TEX9: variants seen among roughly 807,000 people sequenced by gnomAD.
TEX9 encodes the protein testis expressed 9, also known as testis-expressed protein 9.
In TEX9, 74 loss-of-function variants were observed where a neutral mutation model predicts 59.6. That is an observed-to-expected ratio of 1.24 (90% CI 1.03 to 1.51). The LOEUF (loss-of-function observed/expected upper bound fraction) is 1.51. TEX9 is among the 40% of genes most tolerant of loss of function. TEX9 has a pLI of 0.00. For missense variants in TEX9, 522 were observed against 447.8 expected (o/e 1.17, Z -1.49); for synonymous variants, 186 against 152.2 (o/e 1.22, Z -1.64).
chr15:56,319,421 A>G (rs770681444), intron 1 of TEX9, among the ~76,000 whole-genome samples: 5 of 151,844 alleles, frequency 3.3e-5, no homozygotes, highest in African/African-American at 4.8e-5. Flanking sequence ...GGGCATTTCA[A>G]CCCTTCTGAT....
rs71456382 is a variant in TEX9, at chr15:56,339,383, CAAAAAAAAAAAAAAAAAAA to C, written c.-106-34045_-106-34027del. ...GGGTGTCAGAGCAAGACTCCTTCTC[CAAAAAAAAAAAAAAAAAAA>C]AAAAAAAAAAAACAGGAGAATAACT... On this transcript the variant is annotated intron_variant, in intron 1 of 5. Coordinates refer to the TEX9 transcript ENST00000560827. 2.9e-4 allele frequency among the ~76,000 whole-genome samples: 9 copies of C among 30,770 alleles called. 1 individual carries two copies. Among genetic ancestry groups the C allele is most frequent in the African/African-American group, 7.2e-4 (6 of 8,328 alleles). The allele number at this position is 30,770 out of a possible 152,430, so 20.2% of individuals were successfully genotyped here.
intron 1 of TEX9, among the ~76,000 whole-genome samples, chr15:56,358,865 C>T (rs1300090681): frequency 6.6e-6 from 1 of 152,090 alleles, no homozygotes; most frequent in African/African-American, 2.4e-5. Flanking sequence ...AAGTGTCTGA[C>T]ATTTCCTCTT....
chr15:56,434,435 C>T, intron 12 of TEX9: 2 of 1,557,532 alleles, frequency 1.3e-6, no homozygotes, highest in Non-Finnish European at 1.7e-6. Context: ...TAACTATTTC[C>T]TTACACCAGA....
chr15:56,426,569 T>G (rs1402230955), intron 10 of TEX9, among the ~76,000 whole-genome samples: 3 of 115,494 alleles, frequency 2.6e-5, no homozygotes, highest in East Asian at 2.4e-4. Flanking sequence ...GGTGTTTTTT[T>G]TTTTTTTTTT....
At chr15:56,373,067 G>T (rs1014742473) in intron 2 of TEX9, among the ~76,000 whole-genome samples, 1 of 152,132 alleles carries the variant, frequency 6.6e-6, no homozygotes, top group Admixed American at 6.5e-5. Flanking sequence ...TTAGAGCAGG[G>T]CCTGTCTCTG....
intron 3 of TEX9, among the ~76,000 whole-genome samples, chr15:56,376,232 TA>T (rs1161142648): frequency 4.6e-5 from 7 of 151,762 alleles, no homozygotes; most frequent in Non-Finnish European, 7.4e-5. Context: ...AATAATAAAA[TA>T]AAAAAAAGAT....
intron 1 of TEX9, among the ~76,000 whole-genome samples, chr15:56,324,729 G>T (rs2045984509): frequency 6.6e-6 from 1 of 152,100 alleles, no homozygotes; most frequent in Non-Finnish European, 1.5e-5. Flanking sequence ...TGGATTTTGT[G>T]GCCTGGCTTC....
intron 1 of TEX9, among the ~76,000 whole-genome samples, chr15:56,339,403 A>ACAAAC (rs1365653731): frequency 1.5e-4 from 22 of 145,102 alleles, no homozygotes; most frequent in Non-Finnish European, 2.8e-4. Flanking sequence ...AAAAAAAAAA[A>ACAAAC]AAAAAAAAAA....
intron 6 of TEX9, 26 bp from the exon 7 acceptor site, chr15:56,391,217 A>G (rs765492407): frequency 1.4e-6 from 2 of 1,473,534 alleles, no homozygotes; most frequent in Non-Finnish European, 1.8e-6. Context: ...ATATACATAC[A>G]TATGTATTTA....
chr15:56,456,017 G>A, the TEX9 span, among the ~76,000 whole-genome samples: 1 of 152,094 alleles, frequency 6.6e-6, no homozygotes, highest in Admixed American at 6.6e-5. Context: ...TAGAGGTACT[G>A]AAACACAGGC....
chr15:56,298,643 T>G (rs1343567100), intron 1 of TEX9, among the ~76,000 whole-genome samples: 1 of 152,208 alleles, frequency 6.6e-6, no homozygotes, highest in Non-Finnish European at 1.5e-5. Context: ...TTGCTGAACT[T>G]GAAGAAGGAG....
chr15:56,447,746 C>T (rs2050917754), downstream of TEX9: 2 of 152,084 alleles, frequency 1.3e-5, no homozygotes, highest in East Asian at 1.9e-4. Context: ...AAACCATCAC[C>T]ACAATCAAGA....
chr15:56,379,760 T>G (rs2142111662), intron 3 of TEX9, among the ~76,000 whole-genome samples: 1 of 152,342 alleles, frequency 6.6e-6, no homozygotes, highest in East Asian at 1.9e-4. Context: ...TATATCCTGT[T>G]GCTGGATTGA....
chr15:56,328,198 C>T (rs972753934), intron 1 of TEX9, among the ~76,000 whole-genome samples: 21 of 151,730 alleles, frequency 1.4e-4, no homozygotes, highest in Non-Finnish European at 8.8e-5. Flanking sequence ...CCACTCCAGA[C>T]CCTAGCTTCT....
At chr15:56,403,032 T>G (rs894904477) in intron 9 of TEX9, among the ~76,000 whole-genome samples, 6 of 152,232 alleles carry the variant, frequency 3.9e-5, no homozygotes, top group Non-Finnish European at 7.3e-5. Flanking sequence ...AATTTCATAC[T>G]AAATGGGCAA....
intron 1 of TEX9, among the ~76,000 whole-genome samples, chr15:56,347,977 A>G (rs2718911): frequency 0.053 from 8,131 of 152,122 alleles, 577 homozygotes; most frequent in African/African-American, 0.16. Flanking sequence ...CACTAAAGAA[A>G]ATAGAGGATG....
chr15:56,364,364 G>T (rs182001339), upstream of TEX9, among the ~76,000 whole-genome samples: 337 of 151,726 alleles, frequency 2.2e-3, 2 homozygotes, highest in African/African-American at 7.7e-3. Flanking sequence ...TATTGGTCAG[G>T]CTGGTCTTGA....
chr15:56,428,954 T>C (rs1596245720), intron 12 of TEX9: 2 of 563,590 alleles, frequency 3.5e-6, no homozygotes, highest in South Asian at 2.5e-5. Flanking sequence ...TATCTGATAA[T>C]TGTTTACAAG....
chr15:56,437,160 A>C (rs1442103822), intron 12 of TEX9, among the ~76,000 whole-genome samples: 2 of 151,940 alleles, frequency 1.3e-5, no homozygotes, highest in Non-Finnish European at 1.5e-5. Flanking sequence ...AGACACCACA[A>C]AAAAAAGAGA....
Sources: allele counts gnomAD v4.1 joint callset (sites outside exome capture counted in the v4.1 genomes callset), GRCh38; gene constraint gnomAD v4.1.1; transcripts MANE v1.5; gene names NCBI Gene and HGNC (gene_info 2026-07-23, HGNC 2026-07-21).